Variants in TUBGCP5 observed in about 807,000 individuals in gnomAD.
The protein encoded by TUBGCP5 is tubulin gamma complex component 5.
TUBGCP5 carries 98 observed loss-of-function variants against 134.7 expected under a neutral mutation model. The ratio of observed to expected loss-of-function variants is 0.73; its 90% CI spans 0.62 to 0.86. The LOEUF (loss-of-function observed/expected upper bound fraction) is 0.86, where lower values mean the gene tolerates loss of function less well. Ranked by LOEUF, TUBGCP5 falls within the 40% of genes least tolerant of loss-of-function variation. The pLI is 0.00. For missense variants in TUBGCP5, 1,150 were observed against 1,244.8 expected, an observed-to-expected ratio of 0.92 and a Z score of 1.15; for synonymous variants, 456 against 431.4, an observed-to-expected ratio of 1.06 and a Z score of -0.71.
downstream of TUBGCP5, among the ~76,000 whole-genome samples, chr15:22,997,656 G>A (rs191427085): frequency 3.7e-3 from 555 of 148,126 alleles, 2 homozygotes; most frequent in Non-Finnish European, 6.7e-3. Context: ...TCGCTCTGTC[G>A]CCCAGGCTGG....
chr15:23,013,830 C>A lies in TUBGCP5; in HGVS notation c.1757-2499G>T, dbSNP rs2065173047. 6.6e-6 allele frequency among the ~76,000 whole-genome samples: 1 copy of A among 152,284 alleles called. No homozygotes were observed. Among genetic ancestry groups the A allele is most frequent in the African/African-American group, 2.4e-5 (1 of 41,570 alleles). On this transcript the variant is annotated intron_variant, in intron 13 of 22. Coordinates refer to ENST00000615383, the MANE Select transcript of TUBGCP5 (RefSeq NM_052903.6). This position sits in a 1 kb window ranked among gnomAD's most constrained non-coding sequence, Gnocchi z 4.5. Reference sequence around the variant, plus strand: ...GCATGGCACCATCTTCAGACCAGAGCCACCTCTGGAGCACGCCCTCCTCTG... The same window carrying A: ...GCATGGCACCATCTTCAGACCAGAGACACCTCTGGAGCACGCCCTCCTCTG...
chr15:23,024,714 T>C, intron 9 of TUBGCP5, 23 bp downstream of exon 9: 1 of 1,205,638 alleles, frequency 8.3e-7, no homozygotes, highest in Non-Finnish European at 1.2e-6. Context: ...TTTCTTAAAT[T>C]ACCATAAATA....
chr15:23,037,362 T>C (rs1163525214), intron 1 of TUBGCP5, among the ~76,000 whole-genome samples: 1 of 152,078 alleles, frequency 6.6e-6, no homozygotes, highest in African/African-American at 2.4e-5. Flanking sequence ...AGCACACAGG[T>C]TCTTCCTGAC....
In TUBGCP5 at chr15:23,027,193, A is replaced by G; in HGVS notation, c.736T>C (p.Trp246Arg). The G allele has an allele frequency of 2.5e-6, 4 of 1,608,666 alleles. No homozygotes were observed. The highest frequency in any genetic ancestry group is 3.4e-6 in the Non-Finnish European group (4 of 1,176,318). Residue 246 changes from tryptophan to arginine, a missense_variant and splice_region_variant, in exon 7 of 23, where the codon TGG becomes CGG. Coordinates refer to ENST00000615383, the MANE Select transcript of TUBGCP5 (RefSeq NM_052903.6). Reference protein sequence around the residue: ...LHLHSNLAAVWDQHLYSSDPL... With the variant: ...LHLHSNLAAVRDQHLYSSDPL... ...TAAATGAAAACTTTAGCTTCTTACC[A>G]GACAGCAGCTAAATTAGAGTGCAAA...
intron 8 of TUBGCP5, 26 bp downstream of exon 8, chr15:23,026,090 C>G: frequency 2.5e-6 from 4 of 1,569,548 alleles, no homozygotes; most frequent in Non-Finnish European, 3.5e-6. Context: ...CTCATAAAGA[C>G]TATTAATTAA....
rs1241784118 is a variant in TUBGCP5 at position 22,999,554 on chromosome 15, CCAT to C, written c.*263_*265del. ...TAGCTGGGACTACAGGTACACACCA[CCAT>C]GTCTGGATACATTTTGTATTTTTGG... On this transcript the variant is annotated 3_prime_UTR_variant, in exon 23 of 23. Coordinates refer to ENST00000615383, the MANE Select transcript of TUBGCP5 (RefSeq NM_052903.6). The C allele has an allele frequency of 2.2e-5, 10 of 448,266 alleles. No individual in the cohort carries two copies. Among genetic ancestry groups the C allele is most frequent in the African/African-American group, 1.4e-4 (7 of 50,490 alleles). 27.8% of individuals were successfully genotyped at this position (448,266 alleles called of 1,614,324 possible).
chr15:23,024,251 C>G, intron 9 of TUBGCP5, 58 bp from the exon 10 acceptor site: 1 of 1,575,916 alleles, frequency 6.3e-7, no homozygotes, highest in Non-Finnish European at 8.6e-7. Context: ...CATTCAAATT[C>G]ATTTCCCTCT....
At chr15:23,012,312 T>C (rs1720210080) in intron 13 of TUBGCP5, among the ~76,000 whole-genome samples, 1 of 152,144 alleles carries the variant, frequency 6.6e-6, no homozygotes, top group African/African-American at 2.4e-5. Context: ...TCTACTTATT[T>C]CAAGTAGATA....
intron 1 of TUBGCP5, among the ~76,000 whole-genome samples, chr15:23,038,637 A>T (rs1451450383): frequency 7.2e-5 from 11 of 152,216 alleles, no homozygotes; most frequent in Admixed American, 6.5e-4. Flanking sequence ...ATTATTCAAG[A>T]AGATTTTTAC....
intron 21 of TUBGCP5, among the ~76,000 whole-genome samples, chr15:23,001,266 C>T (rs2064354212): frequency 6.6e-6 from 1 of 151,642 alleles, no homozygotes. Context: ...TGGTCTCGAA[C>T]TCCTGACCTC....
At position 23,008,584 on chromosome 15, in the gene TUBGCP5, T is replaced by A. The variant is rs185740481; in HGVS notation, c.2327+115A>T. On this transcript the variant is annotated intron_variant, in intron 16 of 22. Coordinates refer to ENST00000615383, the MANE Select transcript of TUBGCP5 (RefSeq NM_052903.6). ...CCATTTTCTAATAAGTAAAATAATATTAGTAAAACTCATAGGAATAGTGAG... is the reference window on the plus strand; with the variant it reads ...CCATTTTCTAATAAGTAAAATAATAATAGTAAAACTCATAGGAATAGTGAG... 3.0e-4 allele frequency: 390 copies of A among 1,282,936 alleles called. 3 individuals are homozygous for A. The East Asian group carries it at 9.6e-3, about 32-fold the overall frequency. The allele number at this position is 1,282,936 out of a possible 1,614,324, so 79.5% of individuals were successfully genotyped here.
chr15:23,007,498 C>T (rs1054727638), intron 16 of TUBGCP5, among the ~76,000 whole-genome samples: 4 of 152,140 alleles, frequency 2.6e-5, no homozygotes, highest in African/African-American at 9.7e-5. Context: ...ACTGAGCAGG[C>T]AATAGAAAGC....
chr15:23,033,138 C>A (rs1178584142), intron 3 of TUBGCP5, among the ~76,000 whole-genome samples: 2 of 152,062 alleles, frequency 1.3e-5, no homozygotes, highest in East Asian at 3.9e-4. Context: ...AAAAATTATT[C>A]TCCTGTGGCA....
chr15:23,008,173 G>A lies in TUBGCP5; in HGVS notation c.2327+526C>T, dbSNP rs2064832731. On this transcript the variant is annotated intron_variant, in intron 16 of 22. Transcript: ENST00000615383. ...CCACCTTGGCCTCCCAAAGTGCTAG[G>A]ATTACTGGCATGAGCCACTGCATCT... Among the ~76,000 whole-genome samples the A allele has an allele frequency of 2.0e-5, 3 of 151,990 alleles. No homozygotes were observed. The South Asian group carries it at 6.2e-4, about 32-fold the overall frequency.
In TUBGCP5 at chr15:23,006,116, T is replaced by C. The variant is rs1304213707; in HGVS notation, c.2469A>G (p.Gln823=). ...ISLECQKIYN[Q]VFLLLLQIKW... ...TTATTTGCAATAAGAGAAGAAACAC[T>C]TGATTATAAATTTTTTGACATTCCA... The change falls in exon 18 of 23, where the codon CAA becomes CAG. Residue 823 remains glutamine, a synonymous_variant. Coordinates refer to ENST00000615383, the MANE Select transcript of TUBGCP5 (RefSeq NM_052903.6). The C allele has an allele frequency of 1.2e-6, 2 of 1,612,476 alleles. No homozygotes were observed. Among genetic ancestry groups the C allele is most frequent in the East Asian group, 2.2e-5 (1 of 44,828 alleles).
rs778260552 is a variant in TUBGCP5, at chr15:23,011,303, G to GA, written c.1784dup (p.Phe596LeufsTer22). Reference sequence around the variant, plus strand: ...GACGGGACTGTACAGATTCCAGAAAGAGAGTGTATAAACTTTTTCTTTCTG... The same window carrying GA: ...GACGGGACTGTACAGATTCCAGAAAGAAGAGTGTATAAACTTTTTCTTTCTG... On this transcript the variant is annotated frameshift_variant, in exon 14 of 23. Coordinates refer to ENST00000615383, the MANE Select transcript of TUBGCP5 (RefSeq NM_052903.6). LOFTEE classifies it high-confidence loss of function. 1 of 1,613,468 alleles carries GA rather than the reference G, an allele frequency of 6.2e-7. No homozygotes were observed. The highest frequency in any genetic ancestry group is 2.2e-5 in the East Asian group (1 of 44,880).
At chr15:22,998,346 T>C (rs1183930836), downstream of TUBGCP5, among the ~76,000 whole-genome samples, 4 of 151,996 alleles carry the variant, frequency 2.6e-5, no homozygotes, top group Non-Finnish European at 4.4e-5. Context: ...AACAATAGTA[T>C]GTACCAACAG....
chr15:23,039,328 G>C (rs1465913664), intron 1 of TUBGCP5, 70 bp downstream of exon 1: 1 of 1,248,454 alleles, frequency 8.0e-7, no homozygotes, highest in Non-Finnish European at 1.0e-6. Flanking sequence ...CCCCGACCCC[G>C]GGCTGTGCGG....
intron 23 of TUBGCP5, among the ~76,000 whole-genome samples, chr15:22,987,104 A>G (rs894709445): frequency 2.6e-5 from 4 of 151,250 alleles, no homozygotes; most frequent in Non-Finnish European, 5.9e-5. Context: ...AGGCTGAGGC[A>G]GGCGGACCAC....
Sources: gnomAD v4.1 joint callset for allele counts (sites outside exome capture counted in the v4.1 genomes callset) on GRCh38, gnomAD v4.1.1 for gene constraint, Gnocchi (gnomAD v3.1) non-coding constraint, MANE v1.5 for transcripts, NCBI Gene and HGNC (gene_info 2026-07-23, HGNC 2026-07-21) for gene names.